ATXN7L1: variants seen among roughly 807,000 people sequenced by gnomAD.
ATXN7L1 encodes the protein ataxin-7-like protein 1.
In ATXN7L1, 15 loss-of-function variants were observed where a neutral mutation model predicts 70.8. The observed-to-expected ratio is 0.21, with a 90% CI of 0.14 to 0.33. ATXN7L1 has a LOEUF of 0.33. Among genes scored for constraint, ATXN7L1 ranks in the 10% least tolerant of loss-of-function variants. The probability of loss-of-function intolerance (pLI) is 1.00; values close to 1 mark genes in which losing one functional copy is unlikely to be tolerated. For missense variants in ATXN7L1, 975 were observed against 1,097.1 expected (o/e 0.89, Z 1.57); for synonymous variants, 440 against 445.1 (o/e 0.99, Z 0.14).
chr7:105,709,178 C>G (rs1793562546), intron 3 of ATXN7L1, among the ~76,000 whole-genome samples: 1 of 151,938 alleles, frequency 6.6e-6, no homozygotes, highest in Non-Finnish European at 1.5e-5. Context: ...ACTAAAAATA[C>G]AAAAAATTAG....
chr7:105,643,237 T>C, intron 4 of ATXN7L1, 116 bp from the exon 5 acceptor site: 2 of 1,214,574 alleles, frequency 1.6e-6, no homozygotes, highest in Non-Finnish European at 2.2e-6. Flanking sequence ...TTTATACTCC[T>C]TCTATAAGCA....
intron 4 of ATXN7L1, among the ~76,000 whole-genome samples, chr7:105,648,436 G>GA (rs2115964223): frequency 6.6e-6 from 1 of 152,330 alleles, no homozygotes; most frequent in South Asian, 2.1e-4. Context: ...CATCGGGCCA[G>GA]CCTTTCTTTA....
At chr7:105,875,923 AG>A (rs750005518) in intron 1 of ATXN7L1, 43 bp from the exon 2 acceptor site, 5 of 1,593,384 alleles carry the variant, frequency 3.1e-6, no homozygotes, top group Admixed American at 1.7e-5. Flanking sequence ...TAAGGAAAAA[AG>A]GGGGGAAAAA....
chr7:105,612,137 T>C (rs770114175), intron 10 of ATXN7L1, among the ~76,000 whole-genome samples: 2 of 152,196 alleles, frequency 1.3e-5, no homozygotes, highest in Non-Finnish European at 2.9e-5. Context: ...AGGGACTCTG[T>C]TAATGGCATG....
chr7:105,607,678 C>G lies in ATXN7L1; in HGVS notation c.*174G>C. The G allele has an allele frequency of 3.4e-6, 2 of 592,178 alleles. No homozygotes were observed. Among genetic ancestry groups the G allele is most frequent in the Non-Finnish European group, 6.1e-6 (2 of 329,714 alleles). 36.7% of individuals were successfully genotyped at this position (592,178 alleles called of 1,614,324 possible). A position where few individuals can be genotyped will look rare whatever the true frequency, so the allele number is the denominator to read the frequency against. Reference sequence around the variant, plus strand: ...AAATCTCAAATTCACCTTCTTTTGCCTTTTTAACTAAAAATTGGTCAATTA... The same window carrying G: ...AAATCTCAAATTCACCTTCTTTTGCGTTTTTAACTAAAAATTGGTCAATTA... On this transcript the variant is annotated 3_prime_UTR_variant, in exon 12 of 12. Transcript: ENST00000419735.
chr7:105,625,976 G>A (rs1795644066), intron 7 of ATXN7L1, among the ~76,000 whole-genome samples: 1 of 152,208 alleles, frequency 6.6e-6, no homozygotes, highest in Admixed American at 6.5e-5. Flanking sequence ...GCTCCTTCAA[G>A]TCTCATGAAG....
chr7:105,622,619 C>T (rs1291836097), intron 8 of ATXN7L1, among the ~76,000 whole-genome samples: 1 of 152,212 alleles, frequency 6.6e-6, no homozygotes, highest in Non-Finnish European at 1.5e-5. Context: ...AAGTGGGTCT[C>T]CTCCCAGAAC....
intron 3 of ATXN7L1, chr7:105,691,673 GAAA>G (rs1209976116): frequency 3.0e-5 from 3 of 98,490 alleles, no homozygotes; most frequent in Non-Finnish European, 6.5e-5. Context: ...AAAAAAAAAA[GAAA>G]AAAAAAAAGA....
intron 2 of ATXN7L1, among the ~76,000 whole-genome samples, chr7:105,816,695 C>T (rs1451573436): frequency 6.6e-6 from 1 of 152,224 alleles, no homozygotes; most frequent in East Asian, 1.9e-4. Flanking sequence ...TGCTGTCTCA[C>T]CTCCAGCTGG....
intron 2 of ATXN7L1, among the ~76,000 whole-genome samples, chr7:105,845,431 C>A (rs750100771): frequency 1.3e-4 from 20 of 151,526 alleles, no homozygotes; most frequent in Non-Finnish European, 2.4e-4. Flanking sequence ...CATGTTCATG[C>A]GTTGGAAGAC....
In ATXN7L1 at chr7:105,606,275, G is replaced by A. The variant is rs1792762938; in HGVS notation, c.*1577C>T. 6.6e-6 allele frequency: 1 copy of A among 152,160 alleles called. No homozygotes were observed. The highest frequency in any genetic ancestry group is 1.9e-4 in the East Asian group (1 of 5,188). 9.4% of individuals were successfully genotyped at this position (152,160 alleles called of 1,614,324 possible). Reference sequence around the variant, plus strand: ...CCTATAAGAAACACTCACTGTCAGTGCAATTCCATTGATGAAAATCACTCC... The same window carrying A: ...CCTATAAGAAACACTCACTGTCAGTACAATTCCATTGATGAAAATCACTCC... On this transcript the variant is annotated 3_prime_UTR_variant, in exon 12 of 12. Transcript: ENST00000419735.
intron 2 of ATXN7L1, among the ~76,000 whole-genome samples, chr7:105,855,347 C>T (rs1315177943): frequency 6.6e-6 from 1 of 152,190 alleles, no homozygotes; most frequent in Admixed American, 6.5e-5. Context: ...GGCTATGTTC[C>T]AATAAAACTT....
chr7:105,744,889 C>A (rs932533738), intron 3 of ATXN7L1, among the ~76,000 whole-genome samples: 2 of 151,954 alleles, frequency 1.3e-5, no homozygotes, highest in Non-Finnish European at 2.9e-5. Context: ...AGGCGCCCAC[C>A]ACCACGCCCA....
chr7:105,649,351 C>T (rs1799526501), intron 4 of ATXN7L1: 3 of 986,696 alleles, frequency 3.0e-6, no homozygotes, highest in Non-Finnish European at 3.6e-6. Context: ...GGGAAAGAAA[C>T]CCAATGCCGA....
chr7:105,665,901 C>T (rs1439331200), intron 3 of ATXN7L1, among the ~76,000 whole-genome samples: 1 of 152,196 alleles, frequency 6.6e-6, no homozygotes, highest in South Asian at 2.1e-4. Flanking sequence ...AGGAGGATGT[C>T]AACGCTTGAG....
chr7:105,731,207 G>T (rs778143560), intron 3 of ATXN7L1, among the ~76,000 whole-genome samples: 1 of 152,112 alleles, frequency 6.6e-6, no homozygotes, highest in Non-Finnish European at 1.5e-5. Context: ...TGAATTTTGT[G>T]TCTATCCTTG....
At chr7:105,647,645 CA>C (rs1207732055) in intron 4 of ATXN7L1, among the ~76,000 whole-genome samples, 1 of 152,190 alleles carries the variant, frequency 6.6e-6, no homozygotes, top group Non-Finnish European at 1.5e-5. Context: ...GACTCCGTCT[CA>C]AAAACAAACA....
At chr7:105,742,591 G>C (rs1016195343) in intron 3 of ATXN7L1, among the ~76,000 whole-genome samples, 1 of 152,172 alleles carries the variant, frequency 6.6e-6, no homozygotes, top group African/African-American at 2.4e-5. Context: ...AGCTGGGATG[G>C]GGATGCAGGC....
intron 3 of ATXN7L1, among the ~76,000 whole-genome samples, chr7:105,714,908 G>A (rs68163474): frequency 0.056 from 8,503 of 152,088 alleles, 284 homozygotes; most frequent in Admixed American, 0.073. Flanking sequence ...CAGGTGATCT[G>A]CCTGCCTCAG....
Sources: gnomAD v4.1 joint callset for allele counts (sites outside exome capture counted in the v4.1 genomes callset) on GRCh38, gnomAD v4.1.1 for gene constraint, MANE v1.5 for transcripts, NCBI Gene and HGNC (gene_info 2026-07-23, HGNC 2026-07-21) for gene names.